The following ARFGEF1 variants were observed in gnomAD, a reference collection of about 807,000 sequenced individuals.
ARFGEF1 encodes brefeldin A-inhibited guanine nucleotide-exchange protein 1.
In ARFGEF1, 42 loss-of-function variants were observed where a neutral mutation model predicts 231.0. The observed-to-expected ratio is 0.18, with a 90% confidence interval of 0.14 to 0.24. ARFGEF1 has a LOEUF of 0.24. Ranked by LOEUF, ARFGEF1 falls within the 10% of genes least tolerant of loss-of-function variation. The pLI is 1.00. For synonymous variants in ARFGEF1, 710 were observed against 732.3 expected (o/e 0.97, Z 0.49); for missense variants, 1,345 against 2,192.0 (o/e 0.61, Z 7.72).
Position 67,255,854 on chromosome 8 carries a change from G to A in ARFGEF1, c.2526+1878C>T, listed in dbSNP as rs1840437575. Among the ~76,000 whole-genome samples the A allele has an allele frequency of 3.3e-5, 5 of 152,344 alleles. 1 individual carries two copies. The Middle Eastern group carries it at 0.01, about 311-fold the overall frequency. On this transcript the variant is annotated intron_variant, in intron 17 of 38. Coordinates refer to ENST00000262215, the MANE Select transcript of ARFGEF1 (RefSeq NM_006421.5). ...TATGCTAAAGACGGGACACTGTTGT[G>A]AAGGTAATACTCCCTAACTGGTATG...
intron 5 of ARFGEF1, among the ~76,000 whole-genome samples, chr8:67,182,252 G>A (rs1344505329): frequency 1.3e-5 from 2 of 152,012 alleles, no homozygotes; most frequent in East Asian, 1.9e-4. Flanking sequence ...ATCCTCCTGC[G>A]GCCTCCCAAA....
chr8:67,250,613 C>T (rs1157836788), intron 19 of ARFGEF1, among the ~76,000 whole-genome samples: 2 of 152,154 alleles, frequency 1.3e-5, no homozygotes, highest in Admixed American at 1.3e-4. Context: ...GAGTGAGCAT[C>T]GGATTATGAT....
intron 5 of ARFGEF1, among the ~76,000 whole-genome samples, chr8:67,182,688 C>T (rs889088607): frequency 1.1e-4 from 17 of 152,164 alleles, no homozygotes; most frequent in African/African-American, 4.1e-4. Context: ...ACGGGTGTGA[C>T]GTGGCATCTC....
Position 67,259,804 on chromosome 8 carries a change from G to A in ARFGEF1, c.2235+11C>T. 1 of 1,524,020 alleles carries A rather than the reference G, an allele frequency of 6.6e-7. No individual in the cohort carries two copies. Among genetic ancestry groups the A allele is most frequent in the Non-Finnish European group, 8.9e-7 (1 of 1,118,332 alleles). The allele number at this position is 1,524,020 out of a possible 1,614,324, so 94.4% of individuals were successfully genotyped here. Reference sequence around the variant, plus strand: ...TTACAGAAAAGGTTAGAATGAAAATGGTATTCTTACAGAGTCTAATCTTTC... The same window carrying A: ...TTACAGAAAAGGTTAGAATGAAAATAGTATTCTTACAGAGTCTAATCTTTC... On this transcript the variant is annotated intron_variant, in intron 15 of 38. Transcript: ENST00000262215.
chr8:67,316,498 T>C (rs1807323129), intron 1 of ARFGEF1, among the ~76,000 whole-genome samples: 1 of 152,050 alleles, frequency 6.6e-6, no homozygotes, highest in South Asian at 2.1e-4. Context: ...GTCCACTCTG[T>C]TGCCCAGGCT....
intron 10 of ARFGEF1, among the ~76,000 whole-genome samples, chr8:67,268,695 C>T (rs888477892): frequency 6.6e-6 from 1 of 152,104 alleles, no homozygotes; most frequent in South Asian, 2.1e-4. Context: ...AATAGGCACA[C>T]GCATCCCAGT....
At chr8:67,211,177 C>T (rs1243381723) in intron 34 of ARFGEF1, among the ~76,000 whole-genome samples, 5 of 151,406 alleles carry the variant, frequency 3.3e-5, no homozygotes, top group Non-Finnish European at 7.4e-5. Context: ...AACCCCGTCT[C>T]GACTAAAAAT....
At chr8:67,279,527 C>T (rs1375387262) in intron 7 of ARFGEF1, among the ~76,000 whole-genome samples, 2 of 152,124 alleles carry the variant, frequency 1.3e-5, no homozygotes, top group African/African-American at 4.8e-5. Context: ...CACCTCAGCT[C>T]GTGTTCATTT....
chr8:67,173,940 A>C (rs2129567954), downstream of ARFGEF1: 1 of 152,252 alleles, frequency 6.6e-6, no homozygotes, highest in East Asian at 1.9e-4. Context: ...TAATGATTTC[A>C]TCTCTTTGAA....
chr8:67,175,664 A>C, intron 5 of ARFGEF1: 2 of 650,382 alleles, frequency 3.1e-6, no homozygotes, highest in South Asian at 3.0e-5. Flanking sequence ...CCAGTCATTC[A>C]CTGTAGCCAG....
At chr8:67,226,511 A>T (rs1839377055) in intron 27 of ARFGEF1, among the ~76,000 whole-genome samples, 1 of 152,150 alleles carries the variant, frequency 6.6e-6, no homozygotes, top group African/African-American at 2.4e-5. Context: ...TATAAAATGG[A>T]AATAATAATA....
At chr8:67,294,635 G>A (rs910379097) in intron 5 of ARFGEF1, among the ~76,000 whole-genome samples, 2 of 152,164 alleles carry the variant, frequency 1.3e-5, no homozygotes, top group African/African-American at 4.8e-5. Context: ...ACATATAAAG[G>A]GAGAAGACTG....
Position 67,271,722 on chromosome 8 carries a change from G to T in ARFGEF1, c.1552C>A (p.His518Asn). Residue 518 changes from histidine to asparagine, a missense_variant, in exon 10 of 39, where the codon CAT (histidine) becomes AAT (asparagine). His to Asn is a moderately conservative substitution (Grantham distance 68). Around this residue, in one of 14 missense-constraint regions of ARFGEF1, gnomAD observed 141 missense variants for 259.9 expected, o/e 0.54. Coordinates refer to ENST00000262215, the MANE Select transcript of ARFGEF1 (RefSeq NM_006421.5). ...FLTLLSNFKTHLKMQIEVFFK... is the reference protein window; with the variant it reads ...FLTLLSNFKTNLKMQIEVFFK... ...CGTACCTCAATTTGCATCTTCAGAT[G>T]TGTCTTGAAATTTGACAACAAAGTA... The T allele has an allele frequency of 1.9e-6, 3 of 1,612,136 alleles. No individual in the cohort carries two copies. The highest frequency in any genetic ancestry group is 2.5e-6 in the Non-Finnish European group (3 of 1,178,920).
chr8:67,331,441 C>A (rs906495181), intron 1 of ARFGEF1, among the ~76,000 whole-genome samples: 1 of 152,108 alleles, frequency 6.6e-6, no homozygotes, highest in Non-Finnish European at 1.5e-5. Context: ...TGTGACAACA[C>A]AACTAGAAGG....
At chr8:67,257,083 A>AT (rs879571274) in intron 17 of ARFGEF1, among the ~76,000 whole-genome samples, 50 of 147,088 alleles carry the variant, frequency 3.4e-4, no homozygotes, top group South Asian at 1.5e-3. Context: ...AGTTTGAAAC[A>AT]TTTTTTTTTT....
intron 1 of ARFGEF1, among the ~76,000 whole-genome samples, chr8:67,342,735 T>C (rs1185815606): frequency 2.0e-5 from 3 of 152,164 alleles, no homozygotes; most frequent in Admixed American, 1.3e-4. Flanking sequence ...AAAGTTATTG[T>C]TAATTATGAT....
intron 7 of ARFGEF1, among the ~76,000 whole-genome samples, chr8:67,283,588 CTG>C (rs544606242): frequency 5.0e-4 from 76 of 152,034 alleles, no homozygotes; most frequent in African/African-American, 1.7e-3. Flanking sequence ...GAATGATAAA[CTG>C]AGAGAAAGTA....
At chr8:67,219,326 A>G (rs1221703587) in intron 30 of ARFGEF1, 105 bp downstream of exon 30, 1 of 1,355,338 alleles carries the variant, frequency 7.4e-7, no homozygotes, top group Non-Finnish European at 9.8e-7. Context: ...AAAATTTTCT[A>G]GGAATTCTTT....
At chr8:67,275,007 AAAATTAAACAAATATAAC>A (rs1805254920) in intron 9 of ARFGEF1, among the ~76,000 whole-genome samples, 1 of 152,140 alleles carries the variant, frequency 6.6e-6, no homozygotes, top group Admixed American at 6.5e-5. Flanking sequence ...ACAATCTGAC[AAAATTAAACAAATATAAC>A]AAATGTAGTT....
Sources: allele counts gnomAD v4.1 joint callset (sites outside exome capture counted in the v4.1 genomes callset), GRCh38; gene constraint gnomAD v4.1.1; regional missense constraint gnomAD v4.1.1; transcripts MANE v1.5; gene names NCBI Gene and HGNC (gene_info 2026-07-23, HGNC 2026-07-21).